STAM2: variants seen among roughly 807,000 people sequenced by gnomAD.
STAM2 encodes the protein signal transducing adaptor molecule 2.
STAM2 carries 51 observed loss-of-function variants against 65.6 expected under a neutral mutation model. The ratio of observed to expected loss-of-function variants is 0.78; its 90% confidence interval spans 0.62 to 0.98. The LOEUF is 0.98. Among genes scored for constraint, STAM2 ranks in the 50% least tolerant of loss-of-function variants. The pLI is 0.00. For missense variants in STAM2, 584 were observed against 617.8 expected (o/e 0.95, Z 0.58); for synonymous variants, 198 against 208.4 (o/e 0.95, Z 0.43).
At chr2:152,163,743 C>G (rs147880211) in intron 1 of STAM2, among the ~76,000 whole-genome samples, 255 of 152,212 alleles carry the variant, frequency 1.7e-3, no homozygotes, top group African/African-American at 5.9e-3. Flanking sequence ...GAATTGCATT[C>G]CTGGGAAGAG....
intron 8 of STAM2, among the ~76,000 whole-genome samples, chr2:152,133,917 C>T (rs1362723525): frequency 6.6e-6 from 1 of 152,008 alleles, no homozygotes; most frequent in Non-Finnish European, 1.5e-5. Flanking sequence ...GTTACATCTA[C>T]GAGTTCCTTC....
chr2:152,161,377 C>A (rs1014531063), intron 1 of STAM2, among the ~76,000 whole-genome samples: 30 of 150,966 alleles, frequency 2.0e-4, no homozygotes, highest in Admixed American at 4.0e-4. Context: ...CTGCAGGGTC[C>A]TCTGCCTAGG....
At chr2:152,126,133 CAAAA>C (rs1055639440) in intron 12 of STAM2, 89 bp downstream of exon 12, 3 of 1,056,026 alleles carry the variant, frequency 2.8e-6, no homozygotes, top group East Asian at 6.2e-5. Flanking sequence ...TATTCACAGA[CAAAA>C]GAAATCTTAA....
intron 1 of STAM2, among the ~76,000 whole-genome samples, chr2:152,166,648 G>C (rs1217808901): frequency 6.6e-6 from 1 of 151,716 alleles, no homozygotes; most frequent in Non-Finnish European, 1.5e-5. Flanking sequence ...TAACTTAAGA[G>C]AACCTAATAA....
At chr2:152,130,044 C>A (rs1384129287) in intron 11 of STAM2, among the ~76,000 whole-genome samples, 1 of 152,128 alleles carries the variant, frequency 6.6e-6, no homozygotes, top group Non-Finnish European at 1.5e-5. Flanking sequence ...CTAATCTTTT[C>A]TTCTTGTGCT....
intron 7 of STAM2, among the ~76,000 whole-genome samples, chr2:152,143,008 C>T (rs544072789): frequency 9.2e-4 from 140 of 152,286 alleles, no homozygotes; most frequent in Non-Finnish European, 1.5e-3. Flanking sequence ...TTATGGTATT[C>T]ACCACATTCT....
At position 152,175,750 on chromosome 2, in the gene STAM2, C is replaced by A; in HGVS notation, c.-108G>T. ...TCCCTAGACCGCTCCGCTTCGGCCTCCGTCCCTGCACTTCCGCCACCGCAC... is the reference window on the plus strand; with the variant it reads ...TCCCTAGACCGCTCCGCTTCGGCCTACGTCCCTGCACTTCCGCCACCGCAC... On this transcript the variant is annotated 5_prime_UTR_variant, in exon 1 of 14. Coordinates refer to ENST00000263904, the MANE Select transcript of STAM2 (RefSeq NM_005843.6). The A allele has an allele frequency of 1.6e-6, 2 of 1,241,294 alleles. No individual in the cohort carries two copies. Among genetic ancestry groups the A allele is most frequent in the Admixed American group, 2.0e-5 (1 of 50,326 alleles). 76.9% of individuals were successfully genotyped at this position (1,241,294 alleles called of 1,614,324 possible). A position where few individuals can be genotyped will look rare whatever the true frequency, so the allele number is the denominator to read the frequency against.
chr2:152,145,894 C>T (rs1249546629), intron 5 of STAM2, among the ~76,000 whole-genome samples: 1 of 152,180 alleles, frequency 6.6e-6, no homozygotes, highest in East Asian at 1.9e-4. Context: ...AAGGACAGAA[C>T]AGGAAAATGT....
intron 13 of STAM2, 61 bp downstream of exon 13, chr2:152,123,705 C>T: frequency 1.3e-6 from 2 of 1,493,410 alleles, no homozygotes; most frequent in South Asian, 1.2e-5. Context: ...TCTATATATT[C>T]TCATTCTGAA....
At position 152,133,236 on chromosome 2, in the gene STAM2, C is replaced by A. The variant is rs770673014; in HGVS notation, c.907G>T (p.Val303Leu). Residue 303 changes from valine to leucine, a missense_variant, in exon 10 of 14, where the codon GTA becomes TTA. Coordinates refer to ENST00000263904, the MANE Select transcript of STAM2 (RefSeq NM_005843.6). ...DEDKMDRALQVLQSIDPTDSK... is the reference protein window; with the variant it reads ...DEDKMDRALQLLQSIDPTDSK... ...TCTGTTGGATCTATACTCTGAAGTACCTGCAGGGCTCTATCCATCTTATCC... is the reference window on the plus strand; with the variant it reads ...TCTGTTGGATCTATACTCTGAAGTAACTGCAGGGCTCTATCCATCTTATCC... 6 of 1,609,814 alleles carry A rather than the reference C, an allele frequency of 3.7e-6. No individual in the cohort carries two copies. The highest frequency in any genetic ancestry group is 5.1e-6 in the Non-Finnish European group (6 of 1,178,296).
At chr2:152,142,463 G>A (rs1689265995) in intron 7 of STAM2, among the ~76,000 whole-genome samples, 1 of 152,068 alleles carries the variant, frequency 6.6e-6, no homozygotes, top group South Asian at 2.1e-4. Flanking sequence ...ACACTCATAA[G>A]CCTGACATTT....
intron 1 of STAM2, among the ~76,000 whole-genome samples, chr2:152,174,123 T>C (rs1689962184): frequency 6.6e-6 from 1 of 152,230 alleles, no homozygotes; most frequent in African/African-American, 2.4e-5. Flanking sequence ...AGAGCAACTC[T>C]GCCTACTTGT....
chr2:152,157,775 G>A (rs1042596218), intron 1 of STAM2, among the ~76,000 whole-genome samples: 2 of 152,210 alleles, frequency 1.3e-5, no homozygotes, highest in Admixed American at 6.5e-5. Flanking sequence ...CACCTTAGGA[G>A]GAAAAGCCCT....
intron 1 of STAM2, among the ~76,000 whole-genome samples, chr2:152,155,417 C>A (rs150107852): frequency 2.0e-5 from 3 of 152,200 alleles, no homozygotes; most frequent in Non-Finnish European, 2.9e-5. Flanking sequence ...ATTCAACGGG[C>A]TACATAGGAT....
intron 2 of STAM2, among the ~76,000 whole-genome samples, chr2:152,149,317 C>A (rs890914548): frequency 6.6e-5 from 10 of 152,070 alleles, no homozygotes; most frequent in African/African-American, 2.4e-4. Context: ...CAGTTGAACT[C>A]TTTTTCATGT....
chr2:152,175,486 TC>T, intron 1 of STAM2, 116 bp downstream of exon 1: 1 of 1,348,036 alleles, frequency 7.4e-7, no homozygotes, highest in Middle Eastern at 1.8e-4. Context: ...GCACCGCCCC[TC>T]CCCTCCCTTC....
chr2:152,141,540 A>C (rs1689247476), intron 7 of STAM2, among the ~76,000 whole-genome samples: 1 of 151,842 alleles, frequency 6.6e-6, no homozygotes, highest in African/African-American at 2.4e-5. Context: ...TCTCAAATAA[A>C]TAAATAAGAA....
intron 1 of STAM2, among the ~76,000 whole-genome samples, chr2:152,167,423 A>G (rs1442696372): frequency 3.3e-5 from 5 of 152,252 alleles, no homozygotes; most frequent in Admixed American, 6.5e-5. Flanking sequence ...GCAGATGCCA[A>G]TAAGTCAATG....
chr2:152,157,031 T>G (rs1198557093), intron 1 of STAM2, among the ~76,000 whole-genome samples: 1 of 152,132 alleles, frequency 6.6e-6, no homozygotes, highest in Non-Finnish European at 1.5e-5. Context: ...AAATATGTAG[T>G]GAGCCTCACG....
Sources: gnomAD v4.1 joint callset for allele counts (sites outside exome capture counted in the v4.1 genomes callset) on GRCh38, gnomAD v4.1.1 for gene constraint, MANE v1.5 for transcripts, NCBI Gene and HGNC (gene_info 2026-07-23, HGNC 2026-07-21) for gene names.